Variants in GALNT14 observed in about 807,000 individuals in gnomAD.
GALNT14 encodes the protein UDP-GalNAc:polypeptide N-acetylgalactosaminyltransferase 14.
Under a neutral mutation model 77.5 loss-of-function variants are expected in GALNT14, and 60 were observed. The observed-to-expected ratio is 0.77, with a 90% confidence interval of 0.63 to 0.96. The LOEUF is 0.96. Among genes scored for constraint, GALNT14 ranks in the 40% least tolerant of loss-of-function variants. GALNT14 has a pLI of 0.00. For synonymous variants in GALNT14, 280 were observed against 281.7 expected, an observed-to-expected ratio of 0.99 and a Z score of 0.06; for missense variants, 710 against 731.0, an observed-to-expected ratio of 0.97 and a Z score of 0.33.
chr2:30,942,216 C>A lies in GALNT14; in HGVS notation c.916G>T (p.Gly306Cys), dbSNP rs1297615864. The change falls in exon 9 of 15, where the codon GGT becomes TGT. Residue 306 changes from glycine to cysteine, a missense_variant. By Grantham distance (159) the Gly-to-Cys change is radical. Transcript: ENST00000349752. Reference protein sequence around the residue: ...GKYDMDMDIWGGENFEISFRV... With the variant: ...GKYDMDMDIWCGENFEISFRV... ...AGGGACTCACCAAAGTTCTCCCCAC[C>A]CCAGATGTCCATGTCCATATCATAT... is the stretch of plus-strand genomic sequence containing the variant. 3.7e-6 allele frequency: 6 copies of A among 1,613,724 alleles called. No individual in the cohort carries two copies. Among genetic ancestry groups the A allele is most frequent in the Non-Finnish European group, 5.1e-6 (6 of 1,179,674 alleles).
At chr2:31,019,529 G>T (rs1046489260) in intron 1 of GALNT14, among the ~76,000 whole-genome samples, 1 of 152,062 alleles carries the variant, frequency 6.6e-6, no homozygotes, top group Non-Finnish European at 1.5e-5. Flanking sequence ...GAAGAACACG[G>T]GTCCACCACA....
At chr2:30,894,951 G>A in the GALNT14 span, among the ~76,000 whole-genome samples, 1 of 152,210 alleles carries the variant, frequency 6.6e-6, no homozygotes, top group Non-Finnish European at 1.5e-5. Context: ...CAGAGCAGCA[G>A]CACAGGAGCA....
chr2:30,960,117 C>A (rs888847647), intron 3 of GALNT14, among the ~76,000 whole-genome samples: 4 of 152,124 alleles, frequency 2.6e-5, no homozygotes, highest in African/African-American at 9.7e-5. Flanking sequence ...AACACAAAGT[C>A]GTGAGCTCAC....
intron 1 of GALNT14, among the ~76,000 whole-genome samples, chr2:31,050,723 C>T (rs1424683310): frequency 6.6e-6 from 1 of 151,074 alleles, no homozygotes. Flanking sequence ...TCCCTAGTCT[C>T]TTTATAACGT....
At chr2:31,071,218 A>C in intron 1 of GALNT14, among the ~76,000 whole-genome samples, 1 of 152,194 alleles carries the variant, frequency 6.6e-6, no homozygotes, top group Non-Finnish European at 1.5e-5. Context: ...TCATGGAACC[A>C]GATACCACCA....
chr2:31,088,710 G>C (rs373923301), intron 1 of GALNT14, among the ~76,000 whole-genome samples: 67 of 152,314 alleles, frequency 4.4e-4, no homozygotes, highest in African/African-American at 1.6e-3. Context: ...ATATGCAGTC[G>C]GGTGGGGTTA....
chr2:31,108,564 A>T (rs559608975), intron 1 of GALNT14, among the ~76,000 whole-genome samples: 1 of 152,328 alleles, frequency 6.6e-6, no homozygotes, highest in Admixed American at 6.5e-5. Flanking sequence ...TTCAAGAGCA[A>T]AATGCAAGAA....
intron 1 of GALNT14, among the ~76,000 whole-genome samples, chr2:31,022,820 G>A (rs1671804175): frequency 6.6e-6 from 1 of 151,202 alleles, no homozygotes; most frequent in Non-Finnish European, 1.5e-5. Flanking sequence ...GTTCTCTGTA[G>A]ATTTTCTAAT....
chr2:30,949,916 T>C (rs545884280), intron 6 of GALNT14, among the ~76,000 whole-genome samples: 2 of 152,276 alleles, frequency 1.3e-5, no homozygotes, highest in South Asian at 4.1e-4. Context: ...GGAGGAATCC[T>C]CAAGGAGGTG....
chr2:31,019,781 C>G (rs1671602905), intron 1 of GALNT14, among the ~76,000 whole-genome samples: 1 of 152,128 alleles, frequency 6.6e-6, no homozygotes, highest in Non-Finnish European at 1.5e-5. Flanking sequence ...TCAGACTGTC[C>G]CTCTGTAAAG....
chr2:31,096,181 C>T (rs1449241531), intron 1 of GALNT14, among the ~76,000 whole-genome samples: 2 of 152,136 alleles, frequency 1.3e-5, no homozygotes, highest in Non-Finnish European at 2.9e-5. Context: ...TTACATCAGA[C>T]TCACCTGGGT....
At chr2:31,124,372 G>C (rs1678583341) in intron 1 of GALNT14, among the ~76,000 whole-genome samples, 2 of 152,290 alleles carry the variant, frequency 1.3e-5, no homozygotes, top group East Asian at 3.9e-4. Context: ...AGGGGAAGAA[G>C]AGAATCTTTA....
At chr2:31,129,125 G>T (rs1191147311) in intron 1 of GALNT14, among the ~76,000 whole-genome samples, 3 of 152,186 alleles carry the variant, frequency 2.0e-5, no homozygotes, top group African/African-American at 7.2e-5. Flanking sequence ...ACCTGAAGTT[G>T]AGCGTGGCTC....
rs369776979 is a variant in GALNT14 at position 31,091,999 on chromosome 2, C to G, written c.129+45959G>C. On this transcript the variant is annotated intron_variant, in intron 1 of 14. Coordinates refer to ENST00000349752, the MANE Select transcript of GALNT14 (RefSeq NM_024572.4). Reference sequence around the variant, plus strand: ...GAGCCAACTTCATGAGTCTTCCACCCTTCATCTTTCTGCCGTGCTGGATGC... The same window carrying G: ...GAGCCAACTTCATGAGTCTTCCACCGTTCATCTTTCTGCCGTGCTGGATGC... Among the ~76,000 whole-genome samples, 35 of 152,216 alleles carry G rather than the reference C, an allele frequency of 2.3e-4. 1 individual carries two copies. In the East Asian group the frequency reaches 5.4e-3, roughly 24 times the overall value.
intron 1 of GALNT14, among the ~76,000 whole-genome samples, chr2:31,018,407 C>T (rs936376855): frequency 1.8e-4 from 27 of 152,144 alleles, no homozygotes; most frequent in African/African-American, 5.8e-4. Flanking sequence ...ACAATCATAG[C>T]GGAAGGGGAA....
intron 1 of GALNT14, among the ~76,000 whole-genome samples, chr2:31,098,606 T>G (rs6710076): frequency 0.011 from 1,729 of 152,216 alleles, 13 homozygotes; most frequent in South Asian, 0.028. Context: ...TACAAATAGA[T>G]GTAAGTATAA....
chr2:31,016,807 T>TGA (rs963477813), intron 1 of GALNT14, among the ~76,000 whole-genome samples: 1 of 152,080 alleles, frequency 6.6e-6, no homozygotes, highest in African/African-American at 2.4e-5. Context: ...ACTCCCCTCC[T>TGA]CCTGGGAGTG....
the GALNT14 span, among the ~76,000 whole-genome samples, chr2:30,897,464 G>GC: frequency 2.6e-5 from 4 of 152,190 alleles, no homozygotes; most frequent in Non-Finnish European, 5.9e-5. Context: ...CAGAATTCAG[G>GC]CGCGAGAGCT....
At chr2:31,126,501 G>A (rs534903817) in intron 1 of GALNT14, among the ~76,000 whole-genome samples, 1 of 152,196 alleles carries the variant, frequency 6.6e-6, no homozygotes, top group African/African-American at 2.4e-5. Flanking sequence ...TAAGAATGCC[G>A]GCCGTGCAGT....
Sources: allele counts gnomAD v4.1 joint callset (sites outside exome capture counted in the v4.1 genomes callset), GRCh38; gene constraint gnomAD v4.1.1; transcripts MANE v1.5; gene names NCBI Gene and HGNC (gene_info 2026-07-23, HGNC 2026-07-21).